CA3: variants seen among roughly 807,000 people sequenced by gnomAD.
The protein encoded by CA3 is carbonic anhydrase 3.
In CA3, 30 loss-of-function variants were observed where a neutral mutation model predicts 35.7. The observed-to-expected ratio is 0.84, with a 90% CI of 0.63 to 1.14. The LOEUF (loss-of-function observed/expected upper bound fraction) is 1.14. CA3 is among the 50% of genes most tolerant of loss of function. The pLI is 0.00. For synonymous variants in CA3, 131 were observed against 130.8 expected, an observed-to-expected ratio of 1.00 and a Z score of -0.01; for missense variants, 295 against 328.5, an observed-to-expected ratio of 0.90 and a Z score of 0.79.
intron 5 of CA3, among the ~76,000 whole-genome samples, chr8:85,445,715 C>A (rs1375957415): frequency 6.6e-6 from 1 of 152,036 alleles, no homozygotes; most frequent in Non-Finnish European, 1.5e-5. Context: ...CCGTTCTAAT[C>A]AAATATTATT....
intron 6 of CA3, among the ~76,000 whole-genome samples, chr8:85,447,479 T>G (rs1019692605): frequency 6.6e-6 from 1 of 152,202 alleles, no homozygotes; most frequent in African/African-American, 2.4e-5. Flanking sequence ...ACAGTGATCC[T>G]GTATAGAATG....
In CA3 at chr8:85,448,228, C is replaced by A; in HGVS notation, c.*75C>A. ...CTTGGTTCCTTGCCTCCTTCTGGTG[C>A]TCCTTACTCCAAGTCTATTTCATTT... On this transcript the variant is annotated 3_prime_UTR_variant, in exon 7 of 7. Transcript: ENST00000285381. The A allele has an allele frequency of 1.4e-6, 2 of 1,416,374 alleles. No homozygotes were observed. The highest frequency in any genetic ancestry group is 2.4e-5 in the East Asian group (1 of 41,606). 87.7% of individuals were successfully genotyped at this position (1,416,374 alleles called of 1,614,324 possible).
Position 85,442,108 on chromosome 8 carries a change from C to T in CA3, c.268C>T (p.Leu90Phe). 6.2e-7 allele frequency: 1 copy of T among 1,607,306 alleles called. No homozygotes were observed. The highest frequency in any genetic ancestry group is 8.5e-7 in the Non-Finnish European group (1 of 1,173,744). The change falls in exon 3 of 7, where the codon CTT becomes TTT. Residue 90 changes from leucine (L) to phenylalanine (F), a missense_variant. Coordinates refer to ENST00000285381, the MANE Select transcript of CA3 (RefSeq NM_005181.4). ...RGGPLPGPYR[L>F]RQFHLHWGSS... Reference sequence around the variant, plus strand: ...GGGTCCTCTCCCTGGACCCTACCGACTTCGCCAGTTTCATCTTCACTGGGG... The same window carrying T: ...GGGTCCTCTCCCTGGACCCTACCGATTTCGCCAGTTTCATCTTCACTGGGG...
At chr8:85,439,044 TGTAGGA>T in intron 1 of CA3, 101 bp downstream of exon 1, 1 of 1,173,080 alleles carries the variant, frequency 8.5e-7, no homozygotes, top group East Asian at 2.5e-5. Flanking sequence ...CAGTGGAAAA[TGTAGGA>T]GTAGAATAAG....
At position 85,448,155 on chromosome 8, in the gene CA3, G is replaced by T. The variant is rs1477643095; in HGVS notation, c.*2G>T. ...GTGGTGAGAGCTTCCTTCAAATGAG[G>T]CTGCTGGATCTTGCCCTCTTCAGGA... On this transcript the variant is annotated 3_prime_UTR_variant, in exon 7 of 7. Coordinates refer to ENST00000285381, the MANE Select transcript of CA3 (RefSeq NM_005181.4). 6.2e-7 allele frequency: 1 copy of T among 1,611,532 alleles called. No homozygotes were observed. Among genetic ancestry groups the T allele is most frequent in the South Asian group, 1.1e-5 (1 of 90,262 alleles).
At chr8:85,446,793 C>G (rs903487061) in intron 6 of CA3, among the ~76,000 whole-genome samples, 1 of 152,216 alleles carries the variant, frequency 6.6e-6, no homozygotes, top group Non-Finnish European at 1.5e-5. Flanking sequence ...GGATTCTAAT[C>G]CCACCTCCAA....
chr8:85,438,973 G>A, intron 1 of CA3, 30 bp downstream of exon 1: 1 of 1,550,684 alleles, frequency 6.4e-7, no homozygotes, highest in Non-Finnish European at 8.7e-7. Flanking sequence ...ACCCGGCCAG[G>A]AAGGGATGCC....
In CA3 at chr8:85,442,625, A is replaced by T. The variant is rs180784518; in HGVS notation, c.351+434A>T. On this transcript the variant is annotated intron_variant, in intron 3 of 6. Coordinates refer to ENST00000285381, the MANE Select transcript of CA3 (RefSeq NM_005181.4). ...CTACTCAGGAGGCTGAGGTGGGAGG[A>T]TCACTTGAGCCTGGGAGGTCGAGGC... Among the ~76,000 whole-genome samples the T allele has an allele frequency of 2.0e-3, 310 of 152,250 alleles. 2 individuals are homozygous for T. Among genetic ancestry groups the T allele is most frequent in the Non-Finnish European group, 7.8e-4 (53 of 68,020 alleles).
At chr8:85,446,510 A>G (rs900641503) in intron 6 of CA3, among the ~76,000 whole-genome samples, 3 of 152,328 alleles carry the variant, frequency 2.0e-5, no homozygotes, top group Non-Finnish European at 2.9e-5. Flanking sequence ...AACTCATTTA[A>G]AAGTAGTTTT....
Position 85,438,896 on chromosome 8 carries a change from G to A in CA3, c.-14G>A, listed in dbSNP as rs996379300. The A allele has an allele frequency of 3.2e-6, 5 of 1,551,066 alleles. No homozygotes were observed. The highest frequency in any genetic ancestry group is 4.4e-6 in the Non-Finnish European group (5 of 1,146,992). On this transcript the variant is annotated 5_prime_UTR_variant, in exon 1 of 7. Coordinates refer to ENST00000285381, the MANE Select transcript of CA3 (RefSeq NM_005181.4). ...AGAGAAAGCAGGAGCCGTCCAGCAC[G>A]GAGGAAGGCGACCATGGCCAAGGAG...
chr8:85,441,981 C>T, intron 2 of CA3, 92 bp from the exon 3 acceptor site: 1 of 768,550 alleles, frequency 1.3e-6, no homozygotes, highest in Non-Finnish European at 2.4e-6. Flanking sequence ...ACATTTTGTC[C>T]ATTAAGCCTT....
chr8:85,439,416 C>A (rs1811175969), intron 1 of CA3, among the ~76,000 whole-genome samples: 1 of 152,048 alleles, frequency 6.6e-6, no homozygotes, highest in Non-Finnish European at 1.5e-5. Context: ...TATTTTATTC[C>A]AACTCTATGA....
rs1237404118 is a variant in CA3, at chr8:85,448,958, A to T, written c.*805A>T. The T allele has an allele frequency of 6.6e-6, 1 of 152,256 alleles. No individual in the cohort carries two copies. Among genetic ancestry groups the T allele is most frequent in the Non-Finnish European group, 1.5e-5 (1 of 68,046 alleles). The allele number at this position is 152,256 out of a possible 1,614,324, so 9.4% of individuals were successfully genotyped here. A position where few individuals can be genotyped will look rare whatever the true frequency, so the allele number is the denominator to read the frequency against. On this transcript the variant is annotated 3_prime_UTR_variant, in exon 7 of 7. Coordinates refer to ENST00000285381, the MANE Select transcript of CA3 (RefSeq NM_005181.4). ...CTGGAGGCTGGAATGAATGATCACT[A>T]GAACACAAAAGAGTGAATGATGACA... is the stretch of plus-strand genomic sequence containing the variant.
chr8:85,440,675 T>A (rs1811195803), intron 2 of CA3, among the ~76,000 whole-genome samples: 1 of 152,208 alleles, frequency 6.6e-6, no homozygotes, highest in Non-Finnish European at 1.5e-5. Flanking sequence ...GTGCTTGATA[T>A]ACAGCAAAAT....
intron 2 of CA3, among the ~76,000 whole-genome samples, chr8:85,440,854 T>A (rs1191287451): frequency 6.6e-6 from 1 of 152,234 alleles, no homozygotes; most frequent in Non-Finnish European, 1.5e-5. Flanking sequence ...TTGCTATTGT[T>A]TCCTTTTTTC....
intron 4 of CA3, among the ~76,000 whole-genome samples, 173 bp from the exon 5 acceptor site, chr8:85,444,983 A>C (rs879829474): frequency 7.9e-5 from 12 of 152,246 alleles, no homozygotes; most frequent in Admixed American, 7.9e-4. Context: ...AGATCAGAAA[A>C]TATATACTCT....
At position 85,443,264 on chromosome 8, in the gene CA3, G is replaced by T. The variant is rs976938188; in HGVS notation, c.352-770G>T. ...ATCAAATTACAAGGGTTTAAGACAGGCCTCTGACATGTTCTCTTTATAAAG... is the reference window on the plus strand; with the variant it reads ...ATCAAATTACAAGGGTTTAAGACAGTCCTCTGACATGTTCTCTTTATAAAG... On this transcript the variant is annotated intron_variant, in intron 3 of 6. Coordinates refer to ENST00000285381, the MANE Select transcript of CA3 (RefSeq NM_005181.4). 1.4e-4 allele frequency among the ~76,000 whole-genome samples: 22 copies of T among 152,240 alleles called. 1 individual carries two copies. The highest frequency in any genetic ancestry group is 6.8e-3 in the Middle Eastern group (2 of 294).
chr8:85,439,852 A>G lies in CA3; in HGVS notation c.175A>G (p.Ile59Val). Residue 59 changes from isoleucine (I) to valine (V), a missense_variant, in exon 2 of 7, where the codon ATC becomes GTC. Transcript: ENST00000285381. ...VSYDGGSAKT[I>V]LNNGKTCRVV... ...TTATGATGGTGGCTCTGCCAAGACC[A>G]TCCTGAATAATGGGAAGACCTGCCG... 6.2e-7 allele frequency: 1 copy of G among 1,614,016 alleles called. No individual in the cohort carries two copies. The highest frequency in any genetic ancestry group is 8.5e-7 in the Non-Finnish European group (1 of 1,180,008).
rs369701036 is a variant in CA3 at position 85,446,348 on chromosome 8, G to A, written c.663+51G>A. ...CTTATGTTGCTGTCTGCCTATGTAA[G>A]ATACAGATGCTAAATCAAAAATACA... On this transcript the variant is annotated intron_variant, in intron 6 of 6. Coordinates refer to ENST00000285381, the MANE Select transcript of CA3 (RefSeq NM_005181.4). 7.0e-6 allele frequency: 11 copies of A among 1,571,422 alleles called. No individual in the cohort carries two copies. The African/African-American group carries it at 1.5e-4, about 21-fold the overall frequency.
Sources: allele counts gnomAD v4.1 joint callset (sites outside exome capture counted in the v4.1 genomes callset), GRCh38; gene constraint gnomAD v4.1.1; transcripts MANE v1.5; gene names NCBI Gene and HGNC (gene_info 2026-07-23, HGNC 2026-07-21).